PLVAP: variants seen among roughly 807,000 people sequenced by gnomAD.
The protein encoded by PLVAP is plasmalemma vesicle-associated protein.
A neutral mutation model predicts 43.1 loss-of-function variants in PLVAP; 34 were observed. The observed-to-expected ratio is 0.79, with a 90% CI of 0.60 to 1.05. PLVAP has a LOEUF of 1.05. Among genes scored for constraint, PLVAP ranks in the 50% least tolerant of loss-of-function variants. The pLI is 0.00. For missense variants in PLVAP, 574 were observed against 593.4 expected (o/e 0.97, Z 0.34); for synonymous variants, 241 against 237.3 (o/e 1.02, Z -0.14).
intron 3 of PLVAP, among the ~76,000 whole-genome samples, chr19:17,361,390 G>C (rs564682047): frequency 6.6e-6 from 1 of 152,096 alleles, no homozygotes; most frequent in East Asian, 1.9e-4. Flanking sequence ...TGATCACCTC[G>C]GCAGTCCTGA....
Position 17,365,879 on chromosome 19 carries a change from G to A in PLVAP, c.586C>T (p.Gln196Ter). 2 of 1,614,084 alleles carry A rather than the reference G, an allele frequency of 1.2e-6. No homozygotes were observed. Among genetic ancestry groups the A allele is most frequent in the Non-Finnish European group, 1.7e-6 (2 of 1,180,038 alleles). The part of the protein sequence containing the change: ...VLLNKRVAEE[Q>*]LVECVKTREL... ...CGGGTTTTCACGCATTCAACCAGCT[G>A]TTCCTCCGCCACGCGTTTGTTCAGC... Residue 196 changes from glutamine (Q) to a stop codon, truncating the protein, a stop_gained, in exon 3 of 6, where the codon CAG (glutamine) becomes TAG (stop). Transcript: ENST00000252590. LOFTEE classifies it high-confidence loss of function.
rs2074525299 is a variant in PLVAP at position 17,360,827 on chromosome 19, C to A, written c.1185G>T (p.Gln395His). ...TGGGCCTTGACACTGGCATCATCGG[C>A]TGCGACTGTGAAAGAAAGATGGAGG... ...ALDTCIKTKS[Q>H]PMMPVSRPMG... Residue 395 changes from glutamine (Q) to histidine (H), a missense_variant, in exon 4 of 6, where the codon CAG becomes CAT. Gln to His is a conservative substitution (Grantham distance 24). Coordinates refer to ENST00000252590, the MANE Select transcript of PLVAP (RefSeq NM_031310.3). 2 of 1,613,598 alleles carry A rather than the reference C, an allele frequency of 1.2e-6. No homozygotes were observed. The highest frequency in any genetic ancestry group is 3.3e-5 in the Admixed American group (2 of 59,990).
At chr19:17,364,778 T>G (rs2074541680) in intron 3 of PLVAP, among the ~76,000 whole-genome samples, 1 of 142,404 alleles carries the variant, frequency 7.0e-6, no homozygotes, top group East Asian at 2.0e-4. Context: ...TTTTTTTTTT[T>G]TTTTTTTTTT....
intron 5 of PLVAP, among the ~76,000 whole-genome samples, chr19:17,359,104 CTCT>C (rs1432119836): frequency 1.3e-5 from 2 of 148,600 alleles, no homozygotes; most frequent in Non-Finnish European, 3.0e-5. Flanking sequence ...CTAGCTGAGA[CTCT>C]TTTTTATTTA....
At position 17,377,332 on chromosome 19, in the gene PLVAP, A is replaced by C. The variant is rs10417806; in HGVS notation, c.-44T>G. ...CGGTGCACCGTCCCTGCTCACCACC[A>C]GGCCTGCTCTGGCCCCCGCCTCGCA... On this transcript the variant is annotated 5_prime_UTR_variant, in exon 1 of 6. Transcript: ENST00000252590. The C allele has an allele frequency of 0.16, 244,881 of 1,489,356 alleles. 26,551 individuals carry two copies. Among genetic ancestry groups the C allele is most frequent in the African/African-American group, 0.44 (32,315 of 72,636 alleles). The allele number at this position is 1,489,356 out of a possible 1,614,324, so 92.3% of individuals were successfully genotyped here.
intron 5 of PLVAP, among the ~76,000 whole-genome samples, 163 bp from the exon 6 acceptor site, chr19:17,352,531 G>A (rs754326390): frequency 1.3e-5 from 2 of 152,016 alleles, no homozygotes; most frequent in African/African-American, 2.4e-5. Context: ...AGAACCCCAG[G>A]GCTCCTTCGG....
chr19:17,372,708 G>A (rs1451656838), intron 1 of PLVAP, among the ~76,000 whole-genome samples: 4 of 150,696 alleles, frequency 2.7e-5, no homozygotes, highest in Middle Eastern at 3.4e-3. Flanking sequence ...CACCCACCTC[G>A]GCCTCCCGAA....
chr19:17,358,514 A>G (rs2074515347), intron 5 of PLVAP, among the ~76,000 whole-genome samples: 2 of 152,158 alleles, frequency 1.3e-5, no homozygotes, highest in Admixed American at 1.3e-4. Flanking sequence ...GCAAACAGCA[A>G]TGCCAGGCCC....
chr19:17,372,102 AG>A (rs1440700078), intron 1 of PLVAP, among the ~76,000 whole-genome samples: 276 of 148,534 alleles, frequency 1.9e-3, no homozygotes, highest in African/African-American at 6.3e-3. Flanking sequence ...AAAAAAAAAA[AG>A]GATGTGATTT....
At position 17,365,171 on chromosome 19, in the gene PLVAP, C is replaced by T. The variant is rs561196875; in HGVS notation, c.1179+115G>A. ...CTGATCCTAGAGAGTTGTAACTCAC[C>T]CAACCTAGACCAGGAAGCCATCCTC... On this transcript the variant is annotated intron_variant, in intron 3 of 5. Transcript: ENST00000252590. 8.9e-6 allele frequency: 8 copies of T among 900,416 alleles called. No individual in the cohort carries two copies. The African/African-American group carries it at 1.2e-4, about 13-fold the overall frequency. The allele number at this position is 900,416 out of a possible 1,614,324, so 55.8% of individuals were successfully genotyped here.
chr19:17,360,777 G>T lies in PLVAP; in HGVS notation c.1235C>A (p.Pro412His). ...CTCTGTCTTTTGTCACTCACCGATG[G>T]GCTGGGGGTTGGGGACAGGGCCCAT... ...RPMGPVPNPQ[P>H]IDPASLEEFK... Residue 412 changes from proline to histidine, a missense_variant, in exon 4 of 6, where the codon CCC becomes CAC. Physicochemically the swap from Pro to His is moderately conservative, Grantham distance 77. Coordinates refer to ENST00000252590, the MANE Select transcript of PLVAP (RefSeq NM_031310.3). The T allele has an allele frequency of 2.5e-6, 4 of 1,613,716 alleles. No homozygotes were observed. Among genetic ancestry groups the T allele is most frequent in the African/African-American group, 1.3e-5 (1 of 75,040 alleles).
At position 17,352,173 on chromosome 19, in the gene PLVAP, A is replaced by G; in HGVS notation, c.*189T>C. ...TCTCCGCGGCCGTGTGCTCTGGGTG[A>G]GGGATCGTGAGGCGCGGGTGCGGGT... On this transcript the variant is annotated 3_prime_UTR_variant, in exon 6 of 6. Transcript: ENST00000252590. The G allele has an allele frequency of 1.4e-6, 1 of 695,068 alleles. No homozygotes were observed. Among genetic ancestry groups the G allele is most frequent in the East Asian group, 2.8e-5 (1 of 35,542 alleles). 43.1% of individuals were successfully genotyped at this position (695,068 alleles called of 1,614,324 possible).
chr19:17,364,709 A>G (rs118006182), intron 3 of PLVAP, among the ~76,000 whole-genome samples: 2,114 of 149,500 alleles, frequency 0.014, 32 homozygotes, highest in South Asian at 0.049. Context: ...GAAATTCTAG[A>G]TCCAACCCTT....
At chr19:17,361,922 AT>A (rs1402060157) in intron 3 of PLVAP, among the ~76,000 whole-genome samples, 44 of 94,020 alleles carry the variant, frequency 4.7e-4, no homozygotes, top group African/African-American at 2.1e-3. Context: ...ATAAAAAAAA[AT>A]AAAAAAAAAA....
chr19:17,354,128 A>T (rs2074496737), intron 5 of PLVAP, among the ~76,000 whole-genome samples: 1 of 151,968 alleles, frequency 6.6e-6, no homozygotes, highest in Non-Finnish European at 1.5e-5. Context: ...CATTTCTACT[A>T]TAAATACAAA....
chr19:17,365,234 G>T, intron 3 of PLVAP, 52 bp downstream of exon 3: 1 of 1,511,998 alleles, frequency 6.6e-7, no homozygotes, highest in Non-Finnish European at 8.9e-7. Flanking sequence ...CCACCCTCTT[G>T]GCATCTGGAC....
At chr19:17,352,567 T>C (rs2074490812) in intron 5 of PLVAP, among the ~76,000 whole-genome samples, 199 bp from the exon 6 acceptor site, 1 of 152,058 alleles carries the variant, frequency 6.6e-6, no homozygotes. Context: ...GAGACGCTCA[T>C]GTGTTGAACC....
At chr19:17,372,468 AT>A (rs1227354442) in intron 1 of PLVAP, among the ~76,000 whole-genome samples, 2 of 149,028 alleles carry the variant, frequency 1.3e-5, no homozygotes, top group African/African-American at 2.4e-5. Flanking sequence ...TTATTTATTT[AT>A]TTTTTGAGAC....
intron 1 of PLVAP, among the ~76,000 whole-genome samples, chr19:17,372,538 G>C (rs1269601988): frequency 6.7e-6 from 1 of 149,696 alleles, no homozygotes; most frequent in Non-Finnish European, 1.5e-5. Context: ...CTCACTGCAA[G>C]CTCCGCCTCC....
Sources: gnomAD v4.1 joint callset for allele counts (sites outside exome capture counted in the v4.1 genomes callset) on GRCh38, gnomAD v4.1.1 for gene constraint, MANE v1.5 for transcripts, NCBI Gene and HGNC (gene_info 2026-07-23, HGNC 2026-07-21) for gene names.